Variants in TSNARE1 observed in about 807,000 individuals in gnomAD.
TSNARE1 encodes the protein t-SNARE domain-containing protein 1.
A neutral mutation model predicts 62.0 loss-of-function variants in TSNARE1; 49 were observed. That is an observed-to-expected ratio of 0.79 (90% CI 0.63 to 1.00). TSNARE1 has a LOEUF of 1.00. TSNARE1 is among the 50% of genes least tolerant of loss of function. The pLI is 0.00. For missense variants in TSNARE1, 755 were observed against 700.1 expected (o/e 1.08, Z -0.88); for synonymous variants, 328 against 294.4 (o/e 1.11, Z -1.17).
chr8:142,277,092 A>G (rs1229706391), intron 11 of TSNARE1: 1 of 985,244 alleles, frequency 1.0e-6, no homozygotes, highest in East Asian at 1.1e-4. Context: ...ATCAGCCATC[A>G]GCCCTGGGCC....
intron 12 of TSNARE1, among the ~76,000 whole-genome samples, chr8:142,231,088 CACCCATCCTTCT>C (rs910975288): frequency 6.6e-6 from 1 of 152,208 alleles, no homozygotes; most frequent in African/African-American, 2.4e-5. Context: ...CCCATCTATC[CACCCATCCTTCT>C]ACCCAGCTGT....
intron 12 of TSNARE1, among the ~76,000 whole-genome samples, chr8:142,230,015 G>A (rs1289789628): frequency 6.6e-6 from 1 of 152,220 alleles, no homozygotes; most frequent in Non-Finnish European, 1.5e-5. Flanking sequence ...CTGGGGCCTG[G>A]CGAATGCCAG....
chr8:142,297,903 G>A (rs13272653), intron 10 of TSNARE1, among the ~76,000 whole-genome samples: 36,049 of 151,978 alleles, frequency 0.24, 4,802 homozygotes, highest in African/African-American at 0.35. Flanking sequence ...CCACCCCGCC[G>A]CCCTCCGTCC....
chr8:142,259,415 T>C (rs1420268988), intron 12 of TSNARE1, among the ~76,000 whole-genome samples: 1 of 152,192 alleles, frequency 6.6e-6, no homozygotes, highest in African/African-American at 2.4e-5. Context: ...GAGTTCAGAC[T>C]GGGTCACCCT....
chr8:142,255,506 CTGT>C (rs1457726311), intron 12 of TSNARE1, among the ~76,000 whole-genome samples: 25 of 18,306 alleles, frequency 1.4e-3, no homozygotes, highest in South Asian at 4.7e-3. Context: ...ACCACCACCA[CTGT>C]CACCATCACC....
chr8:142,281,443 C>G (rs1229735589), intron 11 of TSNARE1, among the ~76,000 whole-genome samples: 1 of 152,020 alleles, frequency 6.6e-6, no homozygotes, highest in South Asian at 2.1e-4. Flanking sequence ...AGGTCAGCAT[C>G]CCCTCAAAAG....
intron 3 of TSNARE1, among the ~76,000 whole-genome samples, chr8:142,344,756 C>T (rs1833125613): frequency 6.6e-6 from 1 of 152,248 alleles, no homozygotes; most frequent in African/African-American, 2.4e-5. Context: ...CTGCAGCCAC[C>T]ACAGAGGTGC....
In TSNARE1 at chr8:142,261,297, G is replaced by A. The variant is rs190355800; in HGVS notation, c.1446+13484C>T. ...GAGAGAGGATAGAGGGAGGGAGGAG[G>A]GAAGGAGAGAGGAAGGAGGGATGGA... On this transcript the variant is annotated intron_variant, in intron 12 of 13. Transcript: ENST00000524325. 5.5e-3 allele frequency among the ~76,000 whole-genome samples: 724 copies of A among 132,334 alleles called. 5 individuals are homozygous for A. The highest frequency in any genetic ancestry group is 0.02 in the African/African-American group (688 of 34,788). The allele number at this position is 132,334 out of a possible 152,430, so 86.8% of individuals were successfully genotyped here. A position where few individuals can be genotyped will look rare whatever the true frequency, so the allele number is the denominator to read the frequency against.
At chr8:142,382,548 C>T (rs904198976) in intron 1 of TSNARE1, among the ~76,000 whole-genome samples, 10 of 152,148 alleles carry the variant, frequency 6.6e-5, no homozygotes, top group African/African-American at 2.4e-4. Flanking sequence ...CTGCACACAG[C>T]CCAAGAGTCA....
Position 142,385,079 on chromosome 8 carries a change from G to A in TSNARE1, c.-40+18025C>T, listed in dbSNP as rs145302093. On this transcript the variant is annotated intron_variant, in intron 1 of 13. Transcript: ENST00000524325. ...GAGAAAAGCGAATGAAATGAGGTGA[G>A]AGAAAGAGAGAGAGAGAAAGGAAGG... Among the ~76,000 whole-genome samples, 483 of 152,212 alleles carry A rather than the reference G, an allele frequency of 3.2e-3. 7 individuals carry two copies. The highest frequency in any genetic ancestry group is 0.011 in the African/African-American group (454 of 41,530).
chr8:142,213,580 C>T (rs923608968), intron 13 of TSNARE1, among the ~76,000 whole-genome samples: 1 of 152,144 alleles, frequency 6.6e-6, no homozygotes, highest in Non-Finnish European at 1.5e-5. Context: ...GGGCTGTGGG[C>T]GGCAAACTCC....
intron 1 of TSNARE1, among the ~76,000 whole-genome samples, chr8:142,363,286 T>A (rs1341396412): frequency 6.6e-6 from 1 of 152,186 alleles, no homozygotes; most frequent in East Asian, 1.9e-4. Flanking sequence ...TAGCTCAGTA[T>A]GGAGGCTGCT....
chr8:142,364,381 T>C (rs1162614951), intron 1 of TSNARE1, among the ~76,000 whole-genome samples: 2 of 152,144 alleles, frequency 1.3e-5, no homozygotes, highest in African/African-American at 4.8e-5. Context: ...AATACAGATA[T>C]AGATGTGTGT....
chr8:142,285,225 T>G (rs2130918043), intron 10 of TSNARE1, among the ~76,000 whole-genome samples: 1 of 137,442 alleles, frequency 7.3e-6, no homozygotes, highest in African/African-American at 2.8e-5. Flanking sequence ...GATGAATGGG[T>G]GGATGGATGG....
chr8:142,332,670 G>C (rs192916583), intron 4 of TSNARE1, among the ~76,000 whole-genome samples: 1 of 152,118 alleles, frequency 6.6e-6, no homozygotes, highest in African/African-American at 2.4e-5. Context: ...TAAACGGCAC[G>C]GCCACCATGG....
chr8:142,275,563 G>A (rs1820331383), intron 11 of TSNARE1: 1 of 985,324 alleles, frequency 1.0e-6, no homozygotes, highest in Admixed American at 6.1e-5. Context: ...AAGGACACAT[G>A]CCACCTGGGC....
chr8:142,308,710 T>C (rs191725839), intron 9 of TSNARE1, among the ~76,000 whole-genome samples: 111 of 152,320 alleles, frequency 7.3e-4, no homozygotes, highest in African/African-American at 2.4e-3. Context: ...ATCCCTTTCG[T>C]TCTTCTTCAA....
At chr8:142,279,289 C>T (rs1215325804) in intron 11 of TSNARE1, among the ~76,000 whole-genome samples, 1 of 152,228 alleles carries the variant, frequency 6.6e-6, no homozygotes, top group African/African-American at 2.4e-5. Context: ...AAGGCCAGGC[C>T]GGGACCCGGG....
intron 12 of TSNARE1, chr8:142,269,851 A>G (rs1819369864): frequency 3.0e-6 from 3 of 985,344 alleles, no homozygotes; most frequent in Non-Finnish European, 2.4e-6. Context: ...AGGCAGCTGG[A>G]CATGTGGCTA....
Sources: gnomAD v4.1 joint callset for allele counts (sites outside exome capture counted in the v4.1 genomes callset) on GRCh38, gnomAD v4.1.1 for gene constraint, MANE v1.5 for transcripts, NCBI Gene and HGNC (gene_info 2026-07-23, HGNC 2026-07-21) for gene names.